MAGI3: variants seen among roughly 807,000 people sequenced by gnomAD.
MAGI3 encodes membrane associated guanylate kinase, WW and PDZ domain containing 3, also known as membrane-associated guanylate kinase, WW and PDZ domain-containing protein 3.
In MAGI3, 43 loss-of-function variants were observed where a neutral mutation model predicts 121.8. The observed-to-expected ratio is 0.35, with a 90% CI of 0.28 to 0.46. MAGI3 has a LOEUF of 0.46. Ranked by LOEUF, MAGI3 falls within the 20% of genes least tolerant of loss-of-function variation. MAGI3 has a pLI of 1.00. For missense variants in MAGI3, 1,547 were observed against 1,797.3 expected, an observed-to-expected ratio of 0.86 and a Z score of 2.52; for synonymous variants, 553 against 639.3, an observed-to-expected ratio of 0.86 and a Z score of 2.04.
chr1:113,652,443 G>A (rs1653224622), intron 14 of MAGI3, among the ~76,000 whole-genome samples: 1 of 152,148 alleles, frequency 6.6e-6, no homozygotes. Context: ...GTAAAGGCCT[G>A]CCTCCTTTGG....
chr1:113,512,734 C>A (rs569693719), intron 1 of MAGI3, among the ~76,000 whole-genome samples: 2 of 152,286 alleles, frequency 1.3e-5, no homozygotes, highest in East Asian at 3.9e-4. Flanking sequence ...GGTGCCCTCT[C>A]TCACCACTCC....
intron 11 of MAGI3, 76 bp downstream of exon 11, chr1:113,643,850 C>G: frequency 7.3e-7 from 1 of 1,378,260 alleles, no homozygotes. Flanking sequence ...GTAAGAGGAG[C>G]TCACTGTGGT....
chr1:113,658,724 A>G lies in MAGI3; in HGVS notation c.2630-356A>G, dbSNP rs1468162410. Among the ~76,000 whole-genome samples the G allele has an allele frequency of 6.6e-6, 1 of 152,220 alleles. No individual in the cohort carries two copies. Reference sequence around the variant, plus strand: ...ACTTGTTGCAGCTTAAATGGCCAACAATAAACAATGAGACATCTGATCAGT... The same window carrying G: ...ACTTGTTGCAGCTTAAATGGCCAACGATAAACAATGAGACATCTGATCAGT... On this transcript the variant is annotated intron_variant, in intron 15 of 20. Transcript: ENST00000307546. This position sits in a 1 kb window ranked among gnomAD's most constrained non-coding sequence, Gnocchi z 4.0.
chr1:113,611,855 A>G (rs1650160987), intron 6 of MAGI3, among the ~76,000 whole-genome samples: 1 of 152,116 alleles, frequency 6.6e-6, no homozygotes, highest in South Asian at 2.1e-4. Context: ...AATTATTTGT[A>G]ATTATGGAAA....
At chr1:113,466,835 T>A (rs1457506324) in intron 1 of MAGI3, among the ~76,000 whole-genome samples, 1 of 152,102 alleles carries the variant, frequency 6.6e-6, no homozygotes, top group Non-Finnish European at 1.5e-5. Context: ...TTTGGGTCTT[T>A]TTTTTCTTAG....
At chr1:113,599,546 C>G (rs980283077) in intron 6 of MAGI3, among the ~76,000 whole-genome samples, 5 of 152,016 alleles carry the variant, frequency 3.3e-5, no homozygotes, top group Admixed American at 2.0e-4. Flanking sequence ...CTGAGTAGAC[C>G]AATAACAGGC....
At chr1:113,440,009 A>T (rs1162805776) in intron 1 of MAGI3, among the ~76,000 whole-genome samples, 1 of 152,122 alleles carries the variant, frequency 6.6e-6, no homozygotes, top group Non-Finnish European at 1.5e-5. Context: ...TGGACATCAT[A>T]CAGACCTGGA....
intron 8 of MAGI3, among the ~76,000 whole-genome samples, chr1:113,620,348 G>A (rs567934915): frequency 1.3e-5 from 2 of 151,978 alleles, no homozygotes; most frequent in African/African-American, 2.4e-5. Context: ...CAGAAATTTC[G>A]ATGAGTCTAA....
At chr1:113,572,063 G>A (rs906544956) in intron 2 of MAGI3, among the ~76,000 whole-genome samples, 6 of 152,156 alleles carry the variant, frequency 3.9e-5, no homozygotes, top group Non-Finnish European at 8.8e-5. Flanking sequence ...TTTGAGATAT[G>A]TTCCATCAAT....
chr1:113,397,589 T>C (rs1651182924), intron 1 of MAGI3, among the ~76,000 whole-genome samples: 1 of 152,160 alleles, frequency 6.6e-6, no homozygotes, highest in Non-Finnish European at 1.5e-5. Context: ...TAATTGGAAA[T>C]TATTTTGTAC....
At chr1:113,643,669 C>T (rs1329649824) in intron 10 of MAGI3, 74 bp from the exon 11 acceptor site, 4 of 1,410,090 alleles carry the variant, frequency 2.8e-6, no homozygotes, top group East Asian at 2.3e-5. Flanking sequence ...CTAGTTTTAT[C>T]GTAAACATTA....
At chr1:113,618,308 G>T (rs1650602865) in intron 7 of MAGI3, among the ~76,000 whole-genome samples, 1 of 151,852 alleles carries the variant, frequency 6.6e-6, no homozygotes, top group African/African-American at 2.4e-5. Context: ...CTGCATTCCA[G>T]CCTGGGTGAC....
At chr1:113,527,164 G>C (rs968792086) in intron 1 of MAGI3, among the ~76,000 whole-genome samples, 4 of 151,984 alleles carry the variant, frequency 2.6e-5, no homozygotes, top group Non-Finnish European at 4.4e-5. Context: ...CAGTGAGGGG[G>C]AGAAAAAGAG....
intron 9 of MAGI3, among the ~76,000 whole-genome samples, chr1:113,635,152 T>A (rs1570973134): frequency 6.6e-6 from 1 of 152,236 alleles, no homozygotes; most frequent in Non-Finnish European, 1.5e-5. Context: ...TTTCTAGATA[T>A]ACAATCATGT....
chr1:113,458,394 G>C (rs534524274), intron 1 of MAGI3, among the ~76,000 whole-genome samples: 11 of 152,320 alleles, frequency 7.2e-5, no homozygotes, highest in Non-Finnish European at 1.6e-4. Flanking sequence ...GAAGCTATGA[G>C]TTGAGAGCAC....
chr1:113,609,621 A>G lies in MAGI3; in HGVS notation c.1019-4980A>G, dbSNP rs576571404. Among the ~76,000 whole-genome samples the G allele has an allele frequency of 7.6e-4, 116 of 152,238 alleles. 1 individual carries two copies. Among genetic ancestry groups the G allele is most frequent in the Non-Finnish European group, 1.5e-3 (104 of 68,040 alleles). On this transcript the variant is annotated intron_variant, in intron 6 of 20. Transcript: ENST00000307546. ...CAGCTTACAAATATATTGAATGTTG[A>G]TATTTCAGAGCTTAGAGAATGATTA... is the stretch of plus-strand genomic sequence containing the variant.
At chr1:113,547,439 C>A (rs929931773) in intron 1 of MAGI3, among the ~76,000 whole-genome samples, 1 of 152,112 alleles carries the variant, frequency 6.6e-6, no homozygotes, top group Non-Finnish European at 1.5e-5. Context: ...TCGGAGCCTA[C>A]ATTATGTTGT....
intron 1 of MAGI3, among the ~76,000 whole-genome samples, chr1:113,419,112 T>C (rs1652603823): frequency 6.6e-6 from 1 of 152,156 alleles, no homozygotes; most frequent in Non-Finnish European, 1.5e-5. Flanking sequence ...ATAGTTTACA[T>C]GATAAGTAAA....
intron 1 of MAGI3, among the ~76,000 whole-genome samples, chr1:113,421,839 C>T (rs1652747445): frequency 6.6e-6 from 1 of 151,648 alleles, no homozygotes; most frequent in South Asian, 2.1e-4. Flanking sequence ...TTGCTATACG[C>T]TAATGTCTGA....
Sources: gnomAD v4.1 joint callset for allele counts (sites outside exome capture counted in the v4.1 genomes callset) on GRCh38, gnomAD v4.1.1 for gene constraint, Gnocchi (gnomAD v3.1) non-coding constraint, MANE v1.5 for transcripts, NCBI Gene and HGNC (gene_info 2026-07-23, HGNC 2026-07-21) for gene names.